Variants in ZSCAN22 observed in about 807,000 individuals in gnomAD.
ZSCAN22 encodes the protein zinc finger and SCAN domain containing 22.
Under a neutral mutation model 12.4 loss-of-function variants are expected in ZSCAN22, and 7 were observed. The observed-to-expected ratio is 0.57, with a 90% CI of 0.32 to 1.06. The LOEUF (loss-of-function observed/expected upper bound fraction) is 1.06, where lower values mean the gene tolerates loss of function less well. Ranked by LOEUF, ZSCAN22 falls within the 50% of genes least tolerant of loss-of-function variation. The pLI, the probability that ZSCAN22 is intolerant of heterozygous loss-of-function variation, is 0.04. For synonymous variants in ZSCAN22, 243 were observed against 255.9 expected (o/e 0.95, Z 0.48); for missense variants, 576 against 631.7 (o/e 0.91, Z 0.94).
rs1225416851 is a variant in ZSCAN22 at position 58,335,264 on chromosome 19, A to G, written c.403+59A>G. On this transcript the variant is annotated intron_variant, in intron 2 of 2. Transcript: ENST00000329665. The surrounding 1 kb of genome is among the most constrained non-coding windows in gnomAD (Gnocchi z 4.1). ...CCAGAGATACACCCTGGACAGGAACATGGGAGCACAGGGCTCTGGTTTGGG... is the reference window on the plus strand; with the variant it reads ...CCAGAGATACACCCTGGACAGGAACGTGGGAGCACAGGGCTCTGGTTTGGG... The G allele has an allele frequency of 1.4e-6, 2 of 1,468,100 alleles. No individual in the cohort carries two copies. Among genetic ancestry groups the G allele is most frequent in the Admixed American group, 2.6e-5 (1 of 37,896 alleles). 90.9% of individuals were successfully genotyped at this position (1,468,100 alleles called of 1,614,324 possible).
chr19:58,338,661 C>T lies in ZSCAN22; in HGVS notation c.811C>T (p.Arg271Cys), dbSNP rs1239737957. Residue 271 changes from arginine to cysteine, a missense_variant, in exon 3 of 3, where the codon CGC (arginine) becomes TGC (cysteine). Arg to Cys is a radical substitution (Grantham distance 180). Coordinates refer to ENST00000329665, the MANE Select transcript of ZSCAN22 (RefSeq NM_181846.3). The surrounding 1 kb of genome is among the most constrained non-coding windows in gnomAD (Gnocchi z 5.4). ...CTCAGGGAAGAGGTCCTCCAAGTGTCGCGAGTGTAGGAAGATGTTCCAGAG... is the reference window on the plus strand; with the variant it reads ...CTCAGGGAAGAGGTCCTCCAAGTGTTGCGAGTGTAGGAAGATGTTCCAGAG... ...TYSGKRSSKCRECRKMFQSAS... is the reference protein window; with the variant it reads ...TYSGKRSSKCCECRKMFQSAS... 9.3e-6 allele frequency: 15 copies of T among 1,614,088 alleles called. No homozygotes were observed. The highest frequency in any genetic ancestry group is 2.7e-5 in the African/African-American group (2 of 74,930).
rs372085599 is a variant in ZSCAN22, at chr19:58,334,994, C to T, written c.192C>T (p.His64=). 2 of 1,614,094 alleles carry T rather than the reference C, an allele frequency of 1.2e-6. No homozygotes were observed. The highest frequency in any genetic ancestry group is 1.7e-5 in the Admixed American group (1 of 60,030). The change falls in exon 2 of 3, where the codon CAC becomes CAT. Residue 64 remains histidine, a synonymous_variant. Transcript: ENST00000329665. ...HFRYEEASGP[H]EALAHLRALC... is the part of the protein sequence containing the mutation. The stretch of plus-strand genomic sequence containing the variant: ...GCTATGAGGAGGCATCTGGTCCACA[C>T]GAGGCCCTGGCCCACCTCCGAGCGC...
rs2051658390 is a variant in ZSCAN22, at chr19:58,327,019, G to A, written c.-147G>A. 1 of 152,918 alleles carries A rather than the reference G, an allele frequency of 6.5e-6. No homozygotes were observed. The highest frequency in any genetic ancestry group is 1.5e-5 in the Non-Finnish European group (1 of 68,424). The allele number at this position is 152,918 out of a possible 1,614,324, so 9.5% of individuals were successfully genotyped here. A position where few individuals can be genotyped will look rare whatever the true frequency, so the allele number is the denominator to read the frequency against. The stretch of plus-strand genomic sequence containing the variant: ...GTAGTCCTGGCGGGCGTGGGCCCTT[G>A]AGGTGTGCTGGGAGCTGTGGTCCGG... On this transcript the variant is annotated 5_prime_UTR_variant, in exon 1 of 3. Transcript: ENST00000329665.
intron 1 of ZSCAN22, among the ~76,000 whole-genome samples, chr19:58,333,654 G>A (rs1430253742): frequency 6.6e-6 from 1 of 152,184 alleles, no homozygotes. Flanking sequence ...GACCAGCCCC[G>A]CCAACATGGC....
chr19:58,339,348 G>GACT lies in ZSCAN22; in HGVS notation c.*22_*23insACT. The GACT allele has an allele frequency of 6.4e-7, 1 of 1,556,632 alleles. No individual in the cohort carries two copies. The highest frequency in any genetic ancestry group is 8.7e-7 in the Non-Finnish European group (1 of 1,150,138). On this transcript the variant is annotated 3_prime_UTR_variant, in exon 3 of 3. Transcript: ENST00000329665. This position sits in a 1 kb window ranked among gnomAD's most constrained non-coding sequence, Gnocchi z 5.6. ...ATGACCGGAAGTCGCCCCTGGGGGC[G>GACT]TAGCACAGCGTCTTCTCGGAGGCTC...
At chr19:58,332,689 C>A (rs2051741843) in intron 1 of ZSCAN22, among the ~76,000 whole-genome samples, 1 of 152,208 alleles carries the variant, frequency 6.6e-6, no homozygotes, top group South Asian at 2.1e-4. Flanking sequence ...GTATATACAG[C>A]ATTTTATCCA....
At chr19:58,333,460 A>T (rs1246790473) in intron 1 of ZSCAN22, among the ~76,000 whole-genome samples, 1 of 152,216 alleles carries the variant, frequency 6.6e-6, no homozygotes, top group Non-Finnish European at 1.5e-5. Context: ...ATGTTTTCTG[A>T]CCACAACAGA....
intron 1 of ZSCAN22, 60 bp from the exon 2 acceptor site, chr19:58,334,692 C>G (rs1329684020): frequency 8.0e-7 from 1 of 1,251,488 alleles, no homozygotes; most frequent in Non-Finnish European, 1.1e-6. Flanking sequence ...TTTCCCTGCT[C>G]TGTAGGCATG....
At position 58,339,474 on chromosome 19, in the gene ZSCAN22, C is replaced by G. The variant is rs917052152; in HGVS notation, c.*148C>G. On this transcript the variant is annotated 3_prime_UTR_variant, in exon 3 of 3. Transcript: ENST00000329665. The surrounding 1 kb of genome is among the most constrained non-coding windows in gnomAD (Gnocchi z 5.6). ...GTGCCTGAGGGCAGACTCGGGCTGTCTAGGAACCACTCTGCATTTGAGGAA... is the reference window on the plus strand; with the variant it reads ...GTGCCTGAGGGCAGACTCGGGCTGTGTAGGAACCACTCTGCATTTGAGGAA... 1 of 722,606 alleles carries G rather than the reference C, an allele frequency of 1.4e-6. No homozygotes were observed. The highest frequency in any genetic ancestry group is 2.2e-6 in the Non-Finnish European group (1 of 450,406). The allele number at this position is 722,606 out of a possible 1,614,324, so 44.8% of individuals were successfully genotyped here. A position where few individuals can be genotyped will look rare whatever the true frequency, so the allele number is the denominator to read the frequency against.
chr19:58,334,557 G>A, intron 1 of ZSCAN22, 195 bp from the exon 2 acceptor site: 1 of 415,244 alleles, frequency 2.4e-6, no homozygotes, highest in South Asian at 6.6e-5. Context: ...AGTTTTAAAT[G>A]AGTCTACATG....
At position 58,334,903 on chromosome 19, in the gene ZSCAN22, G is replaced by A. The variant is rs1209851255; in HGVS notation, c.101G>A (p.Gly34Asp). ...EEEEEASLSQ[G>D]GESSHDHIAH... Reference sequence around the variant, plus strand: ...GAAGAGGAAGCCAGCCTCTCCCAGGGCGGAGAATCCAGCCATGACCACATT... The same window carrying A: ...GAAGAGGAAGCCAGCCTCTCCCAGGACGGAGAATCCAGCCATGACCACATT... Residue 34 changes from glycine (G) to aspartate (D), a missense_variant, in exon 2 of 3, where the codon GGC (glycine) becomes GAC (aspartate). Gly to Asp is a moderately conservative substitution (Grantham distance 94). Transcript: ENST00000329665. 35 of 1,614,004 alleles carry A rather than the reference G, an allele frequency of 2.2e-5. No individual in the cohort carries two copies. Among genetic ancestry groups the A allele is most frequent in the Non-Finnish European group, 3.0e-5 (35 of 1,180,038 alleles).
In ZSCAN22 at chr19:58,335,133, G is replaced by C. The variant is rs760008987; in HGVS notation, c.331G>C (p.Ala111Pro). Residue 111 changes from alanine (A) to proline (P), a missense_variant, in exon 2 of 3, where the codon GCC becomes CCC. By Grantham distance (27) the Ala-to-Pro change is conservative. Transcript: ENST00000329665. This position sits in a 1 kb window ranked among gnomAD's most constrained non-coding sequence, Gnocchi z 4.1. ...LPPEIQAWVG[A>P]QSPKSGEEAA... is the part of the protein sequence containing the mutation. ...CCCAGAGATCCAAGCCTGGGTGGGA[G>C]CCCAGAGTCCCAAGAGCGGAGAGGA... 6.2e-7 allele frequency: 1 copy of C among 1,613,908 alleles called. No homozygotes were observed. The highest frequency in any genetic ancestry group is 8.5e-7 in the Non-Finnish European group (1 of 1,179,904).
At chr19:58,336,169 G>A (rs2051795130) in intron 2 of ZSCAN22, among the ~76,000 whole-genome samples, 1 of 152,186 alleles carries the variant, frequency 6.6e-6, no homozygotes, top group Admixed American at 6.5e-5. Flanking sequence ...GGGTAAAATG[G>A]GGATTGTAAT....
chr19:58,342,045 A>T lies in ZSCAN22; in HGVS notation c.*2719A>T, dbSNP rs542620263. 2.0e-5 allele frequency: 3 copies of T among 152,352 alleles called. No homozygotes were observed. The highest frequency in any genetic ancestry group is 2.0e-4 in the Admixed American group (3 of 15,290). The allele number at this position is 152,352 out of a possible 1,614,324, so 9.4% of individuals were successfully genotyped here. A position where few individuals can be genotyped will look rare whatever the true frequency, so the allele number is the denominator to read the frequency against. On this transcript the variant is annotated 3_prime_UTR_variant, in exon 3 of 3. Coordinates refer to ENST00000329665, the MANE Select transcript of ZSCAN22 (RefSeq NM_181846.3). ...TCTCCATCCCCTTGATGCTCTGAGCATCTTCACCCATTTGGTCGTTGAGAC... is the reference window on the plus strand; with the variant it reads ...TCTCCATCCCCTTGATGCTCTGAGCTTCTTCACCCATTTGGTCGTTGAGAC...
At chr19:58,333,351 T>C (rs1187101159) in intron 1 of ZSCAN22, among the ~76,000 whole-genome samples, 1 of 152,254 alleles carries the variant, frequency 6.6e-6, no homozygotes, top group Non-Finnish European at 1.5e-5. Context: ...CAGCTTTGCA[T>C]TATTTTCAAG....
chr19:58,330,153 G>T (rs189600006), intron 1 of ZSCAN22, among the ~76,000 whole-genome samples: 1 of 152,226 alleles, frequency 6.6e-6, no homozygotes, highest in East Asian at 1.9e-4. Flanking sequence ...AGCTGGGTGT[G>T]GTGGTGGGTG....
Position 58,338,154 on chromosome 19 carries a change from G to T in ZSCAN22, c.404-100G>T. 1 of 1,103,402 alleles carries T rather than the reference G, an allele frequency of 9.1e-7. No homozygotes were observed. The highest frequency in any genetic ancestry group is 2.5e-5 in the Admixed American group (1 of 40,154). 68.4% of individuals were successfully genotyped at this position (1,103,402 alleles called of 1,614,324 possible). A position where few individuals can be genotyped will look rare whatever the true frequency, so the allele number is the denominator to read the frequency against. On this transcript the variant is annotated intron_variant, in intron 2 of 2. Coordinates refer to ENST00000329665, the MANE Select transcript of ZSCAN22 (RefSeq NM_181846.3). This position sits in a 1 kb window ranked among gnomAD's most constrained non-coding sequence, Gnocchi z 5.4. The stretch of plus-strand genomic sequence containing the variant: ...GGAACTGGGGCCAGATGTTAGGAAC[G>T]GGCCACATCTCCCCTTACAAAGTGT...
At chr19:58,327,332 G>A in intron 1 of ZSCAN22, among the ~76,000 whole-genome samples, 1 of 152,186 alleles carries the variant, frequency 6.6e-6, no homozygotes, top group Admixed American at 6.5e-5. Flanking sequence ...TGGACGGACC[G>A]TGTGTGCACG....
In ZSCAN22 at chr19:58,338,913, G is replaced by A. The variant is rs1221626091; in HGVS notation, c.1063G>A (p.Gly355Arg). The A allele has an allele frequency of 6.2e-7, 1 of 1,613,924 alleles. No individual in the cohort carries two copies. Among genetic ancestry groups the A allele is most frequent in the Non-Finnish European group, 8.5e-7 (1 of 1,180,002 alleles). The change falls in exon 3 of 3, where the codon GGG becomes AGG. Residue 355 changes from glycine (G) to arginine (R), a missense_variant. Transcript: ENST00000329665. This position sits in a 1 kb window ranked among gnomAD's most constrained non-coding sequence, Gnocchi z 5.4. ...IHTGEKPYKC[G>R]ECGKTFSRST... ...TACTGGAGAGAAACCCTACAAATGTGGGGAATGTGGTAAAACCTTCAGCCG... is the reference window on the plus strand; with the variant it reads ...TACTGGAGAGAAACCCTACAAATGTAGGGAATGTGGTAAAACCTTCAGCCG...
Sources: allele counts gnomAD v4.1 joint callset (sites outside exome capture counted in the v4.1 genomes callset), GRCh38; gene constraint gnomAD v4.1.1; non-coding constraint Gnocchi (gnomAD v3.1); transcripts MANE v1.5; gene names NCBI Gene and HGNC (gene_info 2026-07-23, HGNC 2026-07-21).